TENM4: variants seen among roughly 807,000 people sequenced by gnomAD.
TENM4 encodes the protein teneurin-4.
TENM4 carries 82 observed loss-of-function variants against 243.3 expected under a neutral mutation model. That is an observed-to-expected ratio of 0.34 (90% confidence interval 0.28 to 0.40). The LOEUF (loss-of-function observed/expected upper bound fraction) is 0.40, where lower values mean the gene tolerates loss of function less well. TENM4 is among the 10% of genes least tolerant of loss of function. The pLI is 1.00. For missense variants in TENM4, 3,138 were observed against 3,673.3 expected (o/e 0.85, Z 3.77); for synonymous variants, 1,412 against 1,456.3 (o/e 0.97, Z 0.69).
intron 6 of TENM4, among the ~76,000 whole-genome samples, chr11:78,907,244 C>CT (rs529102939): frequency 0.02 from 2,739 of 133,710 alleles, 44 homozygotes; most frequent in Non-Finnish European, 0.025. Context: ...GAATGGACTC[C>CT]TTTTTTTTTT....
intron 4 of TENM4, among the ~76,000 whole-genome samples, chr11:79,104,267 A>G (rs1178367161): frequency 1.3e-5 from 2 of 152,224 alleles, no homozygotes; most frequent in South Asian, 2.1e-4. Context: ...ATTTTGTCTC[A>G]TAGGTATTCA....
intron 6 of TENM4, among the ~76,000 whole-genome samples, chr11:78,972,902 T>G (rs1390219402): frequency 6.6e-6 from 1 of 152,270 alleles, no homozygotes; most frequent in Non-Finnish European, 1.5e-5. Context: ...TTGCCTATTC[T>G]GAGCATTTCA....
At chr11:78,934,496 T>C (rs1856741216) in intron 6 of TENM4, among the ~76,000 whole-genome samples, 1 of 152,194 alleles carries the variant, frequency 6.6e-6, no homozygotes, top group South Asian at 2.1e-4. Flanking sequence ...TTTCACGGGT[T>C]AGACTGGCGG....
chr11:79,027,705 C>T (rs543481298), intron 6 of TENM4, among the ~76,000 whole-genome samples: 2 of 152,316 alleles, frequency 1.3e-5, no homozygotes, highest in South Asian at 4.1e-4. Context: ...CTTCTGTGAA[C>T]ACCAGCCAGC....
intron 19 of TENM4, among the ~76,000 whole-genome samples, chr11:78,741,810 A>AGACTGCCTT (rs1322052402): frequency 6.6e-6 from 1 of 152,202 alleles, no homozygotes; most frequent in Non-Finnish European, 1.5e-5. Context: ...CCGCAGTGGA[A>AGACTGCCTT]GACTGCCTTA....
At chr11:79,403,816 G>C (rs1590941685) in intron 1 of TENM4, among the ~76,000 whole-genome samples, 2 of 152,174 alleles carry the variant, frequency 1.3e-5, no homozygotes, top group African/African-American at 4.8e-5. Context: ...GGGGGTTGAG[G>C]GGGGTGGTGG....
Position 78,701,879 on chromosome 11 carries a change from C to T in TENM4, c.4734G>A (p.Leu1578=), listed in dbSNP as rs1859113245. The stretch of plus-strand genomic sequence containing the variant: ...AGAGCTCCTGGTCAATTGGTGAAGA[C>T]AGCTCATACATGTTCTGGGTGTTGA... ...PFLNTQNMYE[L]SSPIDQELYL... is the part of the protein sequence containing the mutation. The change falls in exon 28 of 34, where the codon CTG becomes CTA. Residue 1578 remains leucine (L), a synonymous_variant. Coordinates refer to ENST00000278550, the MANE Select transcript of TENM4 (RefSeq NM_001098816.3). The T allele has an allele frequency of 3.7e-6, 6 of 1,614,016 alleles. No individual in the cohort carries two copies. The highest frequency in any genetic ancestry group is 5.1e-6 in the Non-Finnish European group (6 of 1,179,898).
intron 1 of TENM4, among the ~76,000 whole-genome samples, chr11:79,417,771 A>T (rs1367614112): frequency 6.6e-6 from 1 of 151,818 alleles, no homozygotes; most frequent in African/African-American, 2.4e-5. Context: ...GCCTCATCCC[A>T]CTCCATATCC....
intron 6 of TENM4, among the ~76,000 whole-genome samples, chr11:79,032,959 A>G (rs1438212008): frequency 6.6e-6 from 1 of 152,084 alleles, no homozygotes; most frequent in Non-Finnish European, 1.5e-5. Context: ...GAAATTAAAG[A>G]CCACAGGCTC....
chr11:79,179,338 C>G (rs1181282270), intron 3 of TENM4, among the ~76,000 whole-genome samples: 1 of 152,222 alleles, frequency 6.6e-6, no homozygotes, highest in African/African-American at 2.4e-5. Flanking sequence ...TCTTGGAACA[C>G]AGCCACAACC....
chr11:79,089,942 C>G (rs1591274345), intron 4 of TENM4, among the ~76,000 whole-genome samples: 2 of 152,288 alleles, frequency 1.3e-5, no homozygotes, highest in East Asian at 3.9e-4. Context: ...AAGCCCCACA[C>G]AGAGAGCCTC....
chr11:78,676,306 T>C lies in TENM4; in HGVS notation c.5342A>G (p.Gln1781Arg), dbSNP rs769439475. ...GCCAGCCAGCAAGTGGGGCTCAGTC[T>C]GCAGCGCCACCTCCATGCCGTTGGC... is the stretch of plus-strand genomic sequence containing the variant. Reference protein sequence around the residue: ...LLANGMEVALQTEPHLLAGTV... With the variant: ...LLANGMEVALRTEPHLLAGTV... The change falls in exon 30 of 34, where the codon CAG becomes CGG. Residue 1781 changes from glutamine to arginine, a missense_variant. Transcript: ENST00000278550. 5.6e-6 allele frequency: 9 copies of C among 1,612,526 alleles called. No homozygotes were observed. The South Asian group carries it at 9.9e-5, about 18-fold the overall frequency.
chr11:79,017,056 TC>T, intron 6 of TENM4, among the ~76,000 whole-genome samples: 1 of 152,328 alleles, frequency 6.6e-6, no homozygotes, highest in Middle Eastern at 3.4e-3. Context: ...AGAGTCAATT[TC>T]CAGTGGAACT....
At chr11:78,799,777 C>T (rs11237626) in intron 15 of TENM4, among the ~76,000 whole-genome samples, 6,372 of 152,310 alleles carry the variant, frequency 0.042, 210 homozygotes, top group Non-Finnish European at 0.055. Flanking sequence ...AATCATAAAC[C>T]CGCAGCATGA....
intron 6 of TENM4, among the ~76,000 whole-genome samples, chr11:79,013,324 C>T (rs1361265666): frequency 1.3e-5 from 2 of 152,218 alleles, no homozygotes; most frequent in African/African-American, 4.8e-5. Flanking sequence ...TTTCCAGATA[C>T]CCTCCAATTT....
At chr11:79,399,488 G>T (rs1255480991) in intron 1 of TENM4, among the ~76,000 whole-genome samples, 1 of 152,178 alleles carries the variant, frequency 6.6e-6, no homozygotes, top group Non-Finnish European at 1.5e-5. Flanking sequence ...AAAACTGATT[G>T]TTTGGAATTT....
At chr11:79,119,308 T>C (rs1201397201) in intron 4 of TENM4, among the ~76,000 whole-genome samples, 1 of 151,584 alleles carries the variant, frequency 6.6e-6, no homozygotes, top group African/African-American at 2.4e-5. Flanking sequence ...CCAACAAATG[T>C]CTGGGTATTT....
chr11:79,110,400 C>T (rs747589332), intron 4 of TENM4, among the ~76,000 whole-genome samples: 2 of 152,206 alleles, frequency 1.3e-5, no homozygotes, highest in African/African-American at 4.8e-5. Flanking sequence ...ACTCACAGCA[C>T]CCTGGGGACT....
intron 2 of TENM4, among the ~76,000 whole-genome samples, chr11:79,243,004 G>A (rs371303420): frequency 6.6e-6 from 1 of 152,140 alleles, no homozygotes; most frequent in East Asian, 1.9e-4. Flanking sequence ...GGCTAGGAAG[G>A]GTTTTCATTC....
Sources: gnomAD v4.1 joint callset for allele counts (sites outside exome capture counted in the v4.1 genomes callset) on GRCh38, gnomAD v4.1.1 for gene constraint, MANE v1.5 for transcripts, NCBI Gene and HGNC (gene_info 2026-07-23, HGNC 2026-07-21) for gene names.